The following WNK1 variants were observed in gnomAD, a reference collection of about 807,000 sequenced individuals.
The protein encoded by WNK1 is serine/threonine-protein kinase WNK1.
WNK1 carries 38 observed loss-of-function variants against 222.8 expected under a neutral mutation model. The observed-to-expected ratio is 0.17, with a 90% CI of 0.13 to 0.22. The LOEUF is 0.22. WNK1 is among the 10% of genes least tolerant of loss of function. The pLI is 1.00. For missense variants in WNK1, 2,348 were observed against 2,918.4 expected (o/e 0.80, Z 4.50); for synonymous variants, 1,090 against 1,092.9 (o/e 1.00, Z 0.05).
In WNK1 at chr12:884,457, A is replaced by T. The variant is rs1310441129; in HGVS notation, c.3845-192A>T. Among the ~76,000 whole-genome samples, 18 of 152,152 alleles carry T rather than the reference A, an allele frequency of 1.2e-4. No homozygotes were observed. The highest frequency in any genetic ancestry group is 1.2e-3 in the Admixed American group (18 of 15,282). Reference sequence around the variant, plus strand: ...AGCCAAGAAGCACGGCCATACCAAGATATAGTCTGTATAATAGATATTGTA... The same window carrying T: ...AGCCAAGAAGCACGGCCATACCAAGTTATAGTCTGTATAATAGATATTGTA... On this transcript the variant is annotated intron_variant, in intron 18 of 27. Coordinates refer to ENST00000315939, the MANE Select transcript of WNK1 (RefSeq NM_018979.4). The surrounding 1 kb of genome is among the most constrained non-coding windows in gnomAD (Gnocchi z 5.6).
intron 1 of WNK1, among the ~76,000 whole-genome samples, chr12:785,676 C>A (rs150922682): frequency 6.6e-6 from 1 of 152,158 alleles, no homozygotes; most frequent in African/African-American, 2.4e-5. Flanking sequence ...GGATTACAAG[C>A]GTGAGCCACC....
intron 2 of WNK1, 55 bp downstream of exon 2, chr12:813,869 T>G (rs1947107564): frequency 1.3e-6 from 2 of 1,582,340 alleles, no homozygotes; most frequent in East Asian, 4.6e-5. Flanking sequence ...AATTTGATTT[T>G]TTAAATTTCA....
chr12:846,580 A>G (rs1042595523), intron 4 of WNK1, among the ~76,000 whole-genome samples: 1 of 152,142 alleles, frequency 6.6e-6, no homozygotes, highest in African/African-American at 2.4e-5. Context: ...ATTCCTGTAA[A>G]CTAATGGTTC....
At chr12:787,323 A>G (rs1944406074) in intron 1 of WNK1, among the ~76,000 whole-genome samples, 1 of 152,118 alleles carries the variant, frequency 6.6e-6, no homozygotes, top group Admixed American at 6.5e-5. Flanking sequence ...ATGGGGTCTC[A>G]CTGTTGCTGA....
At chr12:863,837 T>C (rs984684586) in intron 8 of WNK1, among the ~76,000 whole-genome samples, 2 of 152,098 alleles carry the variant, frequency 1.3e-5, no homozygotes. Context: ...ATAAGTGAAA[T>C]TTTAGAAATT....
At chr12:787,585 G>A (rs1245368945) in intron 1 of WNK1, among the ~76,000 whole-genome samples, 1 of 152,192 alleles carries the variant, frequency 6.6e-6, no homozygotes, top group Non-Finnish European at 1.5e-5. Flanking sequence ...TGTGTTTAAT[G>A]CTTGCCTGGT....
At chr12:863,384 C>G (rs1238295003) in intron 8 of WNK1, among the ~76,000 whole-genome samples, 1 of 152,070 alleles carries the variant, frequency 6.6e-6, no homozygotes, top group Non-Finnish European at 1.5e-5. Context: ...CTTTTTAAAA[C>G]AATCTACTTT....
chr12:832,510 T>G (rs1170812474), intron 4 of WNK1, among the ~76,000 whole-genome samples: 1 of 152,210 alleles, frequency 6.6e-6, no homozygotes, highest in Admixed American at 6.5e-5. Flanking sequence ...ATATCCTTGT[T>G]GTATATTTGT....
chr12:762,874 G>A lies in WNK1; in HGVS notation c.759+8550G>A, dbSNP rs993356487. ...GGATTCTCCTGCCTCAGCCTCCCGA[G>A]TAGCTGGGATTACAGGAAGGCGCCA... is the stretch of plus-strand genomic sequence containing the variant. On this transcript the variant is annotated intron_variant, in intron 1 of 27. Transcript: ENST00000315939. Among the ~76,000 whole-genome samples the A allele has an allele frequency of 1.8e-4, 27 of 146,412 alleles. 3 individuals carry two copies. The highest frequency in any genetic ancestry group is 3.7e-4 in the Non-Finnish European group (24 of 65,584).
At chr12:809,423 A>C (rs1485348713) in intron 1 of WNK1, among the ~76,000 whole-genome samples, 1 of 151,766 alleles carries the variant, frequency 6.6e-6, no homozygotes, top group Non-Finnish European at 1.5e-5. Context: ...TATGCGATAG[A>C]CCCCAAATTT....
chr12:870,069 G>A (rs534505704), intron 8 of WNK1, among the ~76,000 whole-genome samples: 11 of 152,244 alleles, frequency 7.2e-5, no homozygotes, highest in African/African-American at 2.6e-4. Context: ...AGACTATGCA[G>A]TTATATATTG....
intron 4 of WNK1, among the ~76,000 whole-genome samples, chr12:853,105 T>G (rs1950525461): frequency 6.6e-6 from 1 of 152,168 alleles, no homozygotes; most frequent in Admixed American, 6.5e-5. Flanking sequence ...TGTCTCAGTT[T>G]TATTGGCTAA....
rs1274943668 is a variant in WNK1 at position 757,940 on chromosome 12, CAGG to C, written c.759+3619_759+3621del. ...ATCCCAGCTACTCGAGAGGCTGAGGCAGGAGAATTGTTTGAACCCGGGAGGCAG... is the reference window on the plus strand; with the variant it reads ...ATCCCAGCTACTCGAGAGGCTGAGGCAGAATTGTTTGAACCCGGGAGGCAG... On this transcript the variant is annotated intron_variant, in intron 1 of 27. Transcript: ENST00000315939. Among the ~76,000 whole-genome samples the C allele has an allele frequency of 1.4e-5, 2 of 143,506 alleles. 1 individual carries two copies. The highest frequency in any genetic ancestry group is 3.1e-5 in the Non-Finnish European group (2 of 64,944). 94.1% of individuals were successfully genotyped at this position (143,506 alleles called of 152,430 possible).
At chr12:857,998 G>A (rs556481728) in intron 5 of WNK1, among the ~76,000 whole-genome samples, 38 of 152,238 alleles carry the variant, frequency 2.5e-4, no homozygotes, top group African/African-American at 7.2e-4. Context: ...TGTATCAACC[G>A]AATTAAAGAA....
At chr12:865,417 C>T (rs1213009346) in intron 8 of WNK1, 1 of 1,492,782 alleles carries the variant, frequency 6.7e-7, no homozygotes, top group African/African-American at 1.4e-5. Flanking sequence ...ATGAATACAT[C>T]CAGGCAACAA....
chr12:806,486 T>G (rs1946376392), intron 1 of WNK1, among the ~76,000 whole-genome samples: 1 of 152,160 alleles, frequency 6.6e-6, no homozygotes, highest in Admixed American at 6.5e-5. Flanking sequence ...TTCAGCAAAG[T>G]TGGTTAATTA....
chr12:811,378 A>G (rs557938777), intron 1 of WNK1, among the ~76,000 whole-genome samples: 2 of 152,092 alleles, frequency 1.3e-5, no homozygotes, highest in South Asian at 2.1e-4. Context: ...AAGTTTTGCA[A>G]AATATTTAGG....
chr12:908,244 G>A lies in WNK1; in HGVS notation c.6831+210G>A, dbSNP rs531132614. ...TGGTCAGCTCAACTTTTTCTTCTTC[G>A]TTTTTCCTTCGTCATCCTCAACTAC... On this transcript the variant is annotated intron_variant, in intron 27 of 27. Coordinates refer to ENST00000315939, the MANE Select transcript of WNK1 (RefSeq NM_018979.4). The A allele has an allele frequency of 3.4e-5, 27 of 788,548 alleles. No homozygotes were observed. In the East Asian group the frequency reaches 5.3e-4, roughly 16 times the overall value. The allele number at this position is 788,548 out of a possible 1,614,324, so 48.8% of individuals were successfully genotyped here.
intron 2 of WNK1, among the ~76,000 whole-genome samples, chr12:823,265 AT>A (rs1202473727): frequency 6.6e-6 from 1 of 152,030 alleles, no homozygotes; most frequent in Non-Finnish European, 1.5e-5. Context: ...TTGTGGATCT[AT>A]TTGCATTTAT....
Sources: gnomAD v4.1 joint callset for allele counts (sites outside exome capture counted in the v4.1 genomes callset) on GRCh38, gnomAD v4.1.1 for gene constraint, Gnocchi (gnomAD v3.1) non-coding constraint, MANE v1.5 for transcripts, NCBI Gene and HGNC (gene_info 2026-07-23, HGNC 2026-07-21) for gene names.